Variants in LRP1B observed in about 807,000 individuals in gnomAD.
LRP1B encodes the protein low-density lipoprotein receptor-related protein 1B.
LRP1B carries 217 observed loss-of-function variants against 556.6 expected under a neutral mutation model. The ratio of observed to expected loss-of-function variants is 0.39; its 90% confidence interval spans 0.35 to 0.44. The LOEUF (loss-of-function observed/expected upper bound fraction) is 0.44. Among genes scored for constraint, LRP1B ranks in the 20% least tolerant of loss-of-function variants. The pLI, the probability that LRP1B is intolerant of heterozygous loss-of-function variation, is 1.00. For synonymous variants in LRP1B, 2,047 were observed against 1,865.8 expected (o/e 1.10, Z -2.50); for missense variants, 5,053 against 5,620.8 (o/e 0.90, Z 3.23).
At chr2:141,930,248 T>C (rs1488710439) in intron 1 of LRP1B, among the ~76,000 whole-genome samples, 1 of 152,066 alleles carries the variant, frequency 6.6e-6, no homozygotes, top group Non-Finnish European at 1.5e-5. Context: ...AACCAGTTCC[T>C]CCATAAAAGA....
intron 2 of LRP1B, among the ~76,000 whole-genome samples, chr2:141,677,647 G>A (rs1021083072): frequency 2.0e-5 from 3 of 151,968 alleles, no homozygotes; most frequent in Admixed American, 6.6e-5. Flanking sequence ...GCGCCACCAT[G>A]CCCCGTTAAT....
chr2:141,149,697 A>G (rs1701873151), intron 7 of LRP1B, among the ~76,000 whole-genome samples: 1 of 152,184 alleles, frequency 6.6e-6, no homozygotes. Context: ...TTGCTTCCCA[A>G]GACAATTCAG....
intron 7 of LRP1B, among the ~76,000 whole-genome samples, chr2:141,073,285 G>A (rs2105486909): frequency 1.3e-5 from 2 of 151,984 alleles, no homozygotes; most frequent in Middle Eastern, 6.8e-3. Context: ...TAAAACAATG[G>A]ACTTTTCCCA....
chr2:140,390,567 TA>T (rs70985095), intron 66 of LRP1B, among the ~76,000 whole-genome samples: 42,057 of 151,778 alleles, frequency 0.28, 7,253 homozygotes, highest in Non-Finnish European at 0.39. Flanking sequence ...CACAGTAAAA[TA>T]AAAAAATGAT....
chr2:141,947,058 G>T (rs1451563257), intron 1 of LRP1B, among the ~76,000 whole-genome samples: 1 of 152,086 alleles, frequency 6.6e-6, no homozygotes, highest in Non-Finnish European at 1.5e-5. Context: ...AGAGGATGTT[G>T]AGAGTCTGGA....
chr2:141,203,049 T>C (rs953178720), intron 6 of LRP1B, among the ~76,000 whole-genome samples: 6 of 151,796 alleles, frequency 4.0e-5, no homozygotes, highest in East Asian at 1.9e-4. Flanking sequence ...GCACTAAACA[T>C]GGAAAGGAAC....
At chr2:141,878,366 TAAC>T (rs1192991181) in intron 1 of LRP1B, among the ~76,000 whole-genome samples, 1 of 149,030 alleles carries the variant, frequency 6.7e-6, no homozygotes, top group Non-Finnish European at 1.5e-5. Context: ...CGGCAAAAAA[TAAC>T]AACAACAACA....
rs545628233 is a variant in LRP1B, at chr2:142,090,350, T to C, written c.82+40298A>G. Among the ~76,000 whole-genome samples, 8 of 152,252 alleles carry C rather than the reference T, an allele frequency of 5.3e-5. No homozygotes were observed. In the South Asian group the frequency reaches 1.7e-3, roughly 32 times the overall value. ...TGTTATATCTCTCATAACAACCTTG[T>C]AATTTAGCTATTTGCACTGCCATTT... On this transcript the variant is annotated intron_variant, in intron 1 of 90. Coordinates refer to ENST00000389484, the MANE Select transcript of LRP1B (RefSeq NM_018557.3).
At chr2:142,039,960 A>T (rs62157627) in intron 1 of LRP1B, among the ~76,000 whole-genome samples, 1 of 151,052 alleles carries the variant, frequency 6.6e-6, no homozygotes, top group East Asian at 2.0e-4. Context: ...TAAGTCATAA[A>T]CCCCAACTAA....
At chr2:141,944,719 C>A (rs1184559968) in intron 1 of LRP1B, among the ~76,000 whole-genome samples, 1 of 151,952 alleles carries the variant, frequency 6.6e-6, no homozygotes, top group Non-Finnish European at 1.5e-5. Flanking sequence ...GCAGAATGAC[C>A]AGGACTAAAA....
chr2:140,584,522 C>T (rs987723195), intron 43 of LRP1B, among the ~76,000 whole-genome samples: 3 of 151,816 alleles, frequency 2.0e-5, no homozygotes, highest in Non-Finnish European at 4.4e-5. Context: ...CTATCTGATG[C>T]CTAAAAATTG....
At chr2:142,000,553 A>T (rs181013196) in intron 1 of LRP1B, among the ~76,000 whole-genome samples, 10 of 152,330 alleles carry the variant, frequency 6.6e-5, no homozygotes, top group Admixed American at 6.5e-4. Flanking sequence ...TACAGATCAG[A>T]CTCAGTGTGT....
At position 141,149,883 on chromosome 2, in the gene LRP1B, C is replaced by T. The variant is rs112996575; in HGVS notation, c.1013+38538G>A. Reference sequence around the variant, plus strand: ...GCTATGTATAGACAAGATTCTCCAACACAGAATTTCTCCTTTCCTTCTGCA... The same window carrying T: ...GCTATGTATAGACAAGATTCTCCAATACAGAATTTCTCCTTTCCTTCTGCA... On this transcript the variant is annotated intron_variant, in intron 7 of 90. Coordinates refer to ENST00000389484, the MANE Select transcript of LRP1B (RefSeq NM_018557.3). 1.2e-4 allele frequency among the ~76,000 whole-genome samples: 18 copies of T among 152,324 alleles called. 2 individuals are homozygous for T. The highest frequency in any genetic ancestry group is 4.3e-4 in the African/African-American group (18 of 41,588).
chr2:140,527,674 CG>C (rs1690495326), intron 47 of LRP1B, among the ~76,000 whole-genome samples: 1 of 13,866 alleles, frequency 7.2e-5, no homozygotes, highest in East Asian at 2.8e-3. Context: ...TGTTCCAAAA[CG>C]GAAAAAAGTT....
At chr2:141,503,814 A>T (rs1683816594) in intron 2 of LRP1B, among the ~76,000 whole-genome samples, 1 of 152,160 alleles carries the variant, frequency 6.6e-6, no homozygotes, top group South Asian at 2.1e-4. Context: ...ACTCTTGTTT[A>T]AATATAATTA....
intron 16 of LRP1B, among the ~76,000 whole-genome samples, chr2:140,990,973 T>A (rs768298336): frequency 3.9e-5 from 6 of 152,308 alleles, no homozygotes; most frequent in Middle Eastern, 3.4e-3. Flanking sequence ...ACAGTTTTTC[T>A]TTAAAGTAGC....
At chr2:141,462,763 G>A (rs902013468) in intron 3 of LRP1B, among the ~76,000 whole-genome samples, 4 of 151,902 alleles carry the variant, frequency 2.6e-5, no homozygotes, top group African/African-American at 4.8e-5. Context: ...GTTTCTATAC[G>A]CTGTCTTATT....
At chr2:140,949,938 CAAAAAAAAAAA>C (rs67201185) in intron 20 of LRP1B, among the ~76,000 whole-genome samples, 318 of 14,282 alleles carry the variant, frequency 0.022, 2 homozygotes, top group African/African-American at 0.091. Context: ...GACTCCGTCT[CAAAAAAAAAAA>C]AAAAAAAAAA....
At chr2:141,279,803 T>C (rs73962898) in intron 3 of LRP1B, among the ~76,000 whole-genome samples, 3,468 of 152,150 alleles carry the variant, frequency 0.023, 154 homozygotes, top group African/African-American at 0.08. Flanking sequence ...CAATAGGTTG[T>C]TTTCAAACAT....
Sources: gnomAD v4.1 joint callset for allele counts (sites outside exome capture counted in the v4.1 genomes callset) on GRCh38, gnomAD v4.1.1 for gene constraint, MANE v1.5 for transcripts, NCBI Gene and HGNC (gene_info 2026-07-23, HGNC 2026-07-21) for gene names.